Variants in TLR6 observed in about 807,000 individuals in gnomAD.
TLR6 encodes the protein toll like receptor 6.
TLR6 carries 9 observed loss-of-function variants against 16.1 expected under a neutral mutation model. The ratio of observed to expected loss-of-function variants is 0.56; its 90% CI spans 0.34 to 0.98. The LOEUF (loss-of-function observed/expected upper bound fraction) is 0.98. TLR6 is among the 50% of genes least tolerant of loss of function. The pLI, the probability that TLR6 is intolerant of heterozygous loss-of-function variation, is 0.02. For missense variants in TLR6, 786 were observed against 921.0 expected (o/e 0.85, Z 1.90); for synonymous variants, 340 against 338.6 (o/e 1.00, Z -0.04).
chr4:38,823,996 G>C (rs1461909439), exon 2 of TLR6: 1 of 152,320 alleles, frequency 6.6e-6, no homozygotes, highest in East Asian at 1.9e-4. Flanking sequence ...GGTGTCCACG[G>C]CCAAGGTCGG....
chr4:38,825,119 T>G (rs904364892), exon 2 of TLR6: 5 of 152,240 alleles, frequency 3.3e-5, no homozygotes, highest in Admixed American at 1.3e-4. Context: ...TTGAATGAAC[T>G]AAGTCCAGAA....
At chr4:38,827,294 C>A in exon 2 of TLR6, 1 of 1,614,080 alleles carries the variant, frequency 6.2e-7, no homozygotes, top group Non-Finnish European at 8.5e-7. Context: ...GTTATTAGAT[C>A]CTTCATGAAA....
At chr4:38,829,193 C>T (rs755688840) in exon 2 of TLR6, 4 of 1,614,160 alleles carry the variant, frequency 2.5e-6, no homozygotes, top group Non-Finnish European at 3.4e-6. Context: ...CTTGAAAACA[C>T]TTAAATCAAG....
chr4:38,864,848 C>CA, the TLR6 span, among the ~76,000 whole-genome samples: 1 of 151,918 alleles, frequency 6.6e-6, no homozygotes, highest in Non-Finnish European at 1.5e-5. Flanking sequence ...CACGACTCTA[C>CA]AAAAAAATTT....
exon 2 of TLR6, chr4:38,828,831 T>C: frequency 1.2e-6 from 2 of 1,614,108 alleles, no homozygotes; most frequent in Non-Finnish European, 1.7e-6. Flanking sequence ...TTAACTGATA[T>C]GTTCACTTGG....
upstream of TLR6, among the ~76,000 whole-genome samples, chr4:38,857,542 T>A (rs75810084): frequency 4.4e-3 from 665 of 152,202 alleles, no homozygotes; most frequent in Non-Finnish European, 7.3e-3. Context: ...TGGTGGACAG[T>A]AAACCCTTTT....
the TLR6 span, among the ~76,000 whole-genome samples, chr4:38,866,708 C>T: frequency 8.3e-4 from 126 of 151,836 alleles, 1 homozygote; most frequent in African/African-American, 2.8e-3. Flanking sequence ...TTACAAAATA[C>T]GTCAACATCT....
chr4:38,849,802 C>T (rs1183182338), intron 1 of TLR6, among the ~76,000 whole-genome samples: 2 of 152,108 alleles, frequency 1.3e-5, no homozygotes, highest in East Asian at 1.9e-4. Context: ...ACTTTAACAC[C>T]CCACTGTCAA....
upstream of TLR6, among the ~76,000 whole-genome samples, chr4:38,858,180 GAAAC>G (rs201448861): frequency 1.2e-3 from 188 of 152,254 alleles, no homozygotes; most frequent in African/African-American, 4.4e-3. Flanking sequence ...AGCAAACAAA[GAAAC>G]AGACAGTACT....
the TLR6 span, chr4:38,868,087 G>A: frequency 2.4e-6 from 1 of 421,260 alleles, no homozygotes; most frequent in Non-Finnish European, 4.9e-6. Flanking sequence ...GTGTCGCTCC[G>A]GGTCCACGCT....
upstream of TLR6, among the ~76,000 whole-genome samples, chr4:38,858,883 GAA>G (rs1560274737): frequency 3.9e-4 from 26 of 67,422 alleles, no homozygotes; most frequent in South Asian, 4.7e-4. Flanking sequence ...AAGAAAGAAA[GAA>G]AGAGAGAAAG....
intron 1 of TLR6, chr4:38,843,864 A>G (rs1712397419): frequency 6.6e-6 from 1 of 152,228 alleles, no homozygotes; most frequent in Non-Finnish European, 1.5e-5. Flanking sequence ...TGTAACTGGA[A>G]CTGTGTTAGG....
At chr4:38,867,554 G>C in the TLR6 span, 4 of 152,230 alleles carry the variant, frequency 2.6e-5, no homozygotes, top group Admixed American at 2.0e-4. Context: ...CGAACCCCGA[G>C]ACCCACCCGC....
chr4:38,846,114 A>C (rs1014777792), intron 1 of TLR6, among the ~76,000 whole-genome samples: 1 of 151,808 alleles, frequency 6.6e-6, no homozygotes, highest in Non-Finnish European at 1.5e-5. Context: ...AAAAGAAAAG[A>C]AAAGAAAATT....
exon 2 of TLR6, chr4:38,829,360 C>T: frequency 6.2e-7 from 1 of 1,614,078 alleles, no homozygotes; most frequent in Non-Finnish European, 8.5e-7. Context: ...CTCTTTTTGA[C>T]TTGTCTACTG....
chr4:38,865,684 G>A, the TLR6 span, among the ~76,000 whole-genome samples: 14 of 152,310 alleles, frequency 9.2e-5, no homozygotes, highest in East Asian at 2.1e-3. Context: ...GGACTGTGCC[G>A]AGCAATGCTC....
intron 1 of TLR6, among the ~76,000 whole-genome samples, chr4:38,839,244 A>T (rs1183017342): frequency 2.0e-5 from 3 of 152,022 alleles, no homozygotes; most frequent in Non-Finnish European, 4.4e-5. Flanking sequence ...ATGATATTCC[A>T]GGAAAGGCAA....
At chr4:38,854,461 T>G (rs192814898) in intron 1 of TLR6, among the ~76,000 whole-genome samples, 15 of 152,322 alleles carry the variant, frequency 9.8e-5, no homozygotes, top group East Asian at 1.9e-4. Flanking sequence ...TATAAGATAT[T>G]TAAGCATAAA....
intron 1 of TLR6, among the ~76,000 whole-genome samples, chr4:38,832,574 C>T (rs1711666635): frequency 6.6e-6 from 1 of 152,118 alleles, no homozygotes; most frequent in Non-Finnish European, 1.5e-5. Flanking sequence ...TACCCCATAC[C>T]CTGAGACCCA....
Sources: gnomAD v4.1 joint callset for allele counts (sites outside exome capture counted in the v4.1 genomes callset) on GRCh38, gnomAD v4.1.1 for gene constraint, MANE v1.5 for transcripts, NCBI Gene and HGNC (gene_info 2026-07-23, HGNC 2026-07-21) for gene names.